Variants in SCG5 observed in about 807,000 individuals in gnomAD.
SCG5 encodes the protein secretogranin V.
A neutral mutation model predicts 25.7 loss-of-function variants in SCG5; 18 were observed. The observed-to-expected ratio is 0.70, with a 90% CI of 0.48 to 1.04. SCG5 has a LOEUF of 1.04. Ranked by LOEUF, SCG5 falls within the 50% of genes least tolerant of loss-of-function variation. The pLI is 0.00. For synonymous variants in SCG5, 101 were observed against 91.7 expected (o/e 1.10, Z -0.58); for missense variants, 206 against 259.8 (o/e 0.79, Z 1.42).
At chr15:32,687,993 A>G (rs752305645) in intron 4 of SCG5, among the ~76,000 whole-genome samples, 19 of 152,210 alleles carry the variant, frequency 1.2e-4, no homozygotes, top group Non-Finnish European at 2.4e-4. Context: ...ATCTTATTCA[A>G]TCTGCCCATC....
chr15:32,647,090 T>C (rs530186060), intron 2 of SCG5, among the ~76,000 whole-genome samples: 2 of 152,344 alleles, frequency 1.3e-5, no homozygotes, highest in East Asian at 3.9e-4. Flanking sequence ...TTATTACTAA[T>C]ATGACCTTGG....
intron 3 of SCG5, among the ~76,000 whole-genome samples, chr15:32,682,869 T>C (rs1595815675): frequency 6.6e-6 from 1 of 151,870 alleles, no homozygotes; most frequent in Non-Finnish European, 1.5e-5. Flanking sequence ...GCTCAAAGAG[T>C]CCATCTCAGC....
At chr15:32,672,503 C>T (rs1194179835) in intron 2 of SCG5, among the ~76,000 whole-genome samples, 1 of 152,220 alleles carries the variant, frequency 6.6e-6, no homozygotes, top group Admixed American at 6.5e-5. Flanking sequence ...CCACAGGTGG[C>T]GTCCCATCCC....
intron 2 of SCG5, among the ~76,000 whole-genome samples, chr15:32,649,534 G>A (rs1047543020): frequency 6.6e-5 from 10 of 152,156 alleles, no homozygotes; most frequent in African/African-American, 2.4e-4. Context: ...CCAGCAGAGG[G>A]CCAACTAGAC....
Position 32,648,259 on chromosome 15 carries a change from A to G in SCG5, c.226+4441A>G, listed in dbSNP as rs79402181. On this transcript the variant is annotated intron_variant, in intron 2 of 5. Transcript: ENST00000300175. ...TTTTTATCTCTAAAATCCATGTGCA[A>G]TTTCCTGTCTGCTTCTCTCTAGCTC... 9.2e-3 allele frequency among the ~76,000 whole-genome samples: 1,395 copies of G among 152,140 alleles called. 10 individuals carry two copies. Among genetic ancestry groups the G allele is most frequent in the Middle Eastern group, 0.024 (7 of 294 alleles).
chr15:32,676,475 T>G (rs1205206617), intron 2 of SCG5, among the ~76,000 whole-genome samples: 1 of 152,186 alleles, frequency 6.6e-6, no homozygotes, highest in African/African-American at 2.4e-5. Flanking sequence ...AGTTGAGACA[T>G]GTACTGACAC....
Position 32,691,994 on chromosome 15 carries a change from C to T in SCG5, c.543+231C>T, listed in dbSNP as rs75997342. The T allele has an allele frequency of 3.3e-4, 470 of 1,403,298 alleles. 6 individuals carry two copies. In the East Asian group the frequency reaches 0.011, roughly 32 times the overall value. The allele number at this position is 1,403,298 out of a possible 1,614,324, so 86.9% of individuals were successfully genotyped here. A position where few individuals can be genotyped will look rare whatever the true frequency, so the allele number is the denominator to read the frequency against. On this transcript the variant is annotated intron_variant, in intron 5 of 5. Coordinates refer to ENST00000300175, the MANE Select transcript of SCG5 (RefSeq NM_001144757.3). ...TTTTAGTGGAACGCGCAGTCTGTAG[C>T]AATTCTAGCAACTCCATTCCGTTCA...
chr15:32,658,245 G>T (rs2054158295), intron 2 of SCG5, among the ~76,000 whole-genome samples: 1 of 152,184 alleles, frequency 6.6e-6, no homozygotes, highest in Middle Eastern at 3.4e-3. Flanking sequence ...CTAGGTGGAT[G>T]AAAGGGACAT....
At chr15:32,686,774 C>A (rs2054720220) in intron 4 of SCG5, among the ~76,000 whole-genome samples, 1 of 152,162 alleles carries the variant, frequency 6.6e-6, no homozygotes. Flanking sequence ...CAGGAGTCAT[C>A]AGGACATGGT....
intron 2 of SCG5, among the ~76,000 whole-genome samples, chr15:32,657,213 G>GTATT (rs2054136011): frequency 1.2e-4 from 2 of 16,272 alleles, no homozygotes; most frequent in Admixed American, 9.5e-4. Context: ...ATATATATAT[G>GTATT]TATGTATTTC....
rs1595785624 is a variant in SCG5, at chr15:32,643,682, G to T, written c.90G>T (p.Arg30=). The T allele has an allele frequency of 6.2e-7, 1 of 1,613,892 alleles. No individual in the cohort carries two copies. Residue 30 remains arginine, a synonymous_variant, in exon 2 of 6, where the codon CGG becomes CGT. Transcript: ENST00000300175. ...CTCCAGCATTTGCTTACAGCCCCCG[G>T]ACCCCTGACCGGGTCTCAGAAGCAG... ...GWTPAFAYSP[R]TPDRVSEADI... is the part of the protein sequence containing the mutation.
At position 32,643,993 on chromosome 15, in the gene SCG5, A is replaced by G. The variant is rs112207261; in HGVS notation, c.226+175A>G. Among the ~76,000 whole-genome samples the G allele has an allele frequency of 7.9e-3, 1,200 of 152,300 alleles. 16 individuals are homozygous for G. Among genetic ancestry groups the G allele is most frequent in the African/African-American group, 0.027 (1,139 of 41,550 alleles). On this transcript the variant is annotated intron_variant, in intron 2 of 5. Transcript: ENST00000300175. ...CATGGTTTTCCCTTTCTTCTTCTAC[A>G]CAGTGTCTACATACTTACATATACA...
In SCG5 at chr15:32,663,032, AATATATAT is replaced by A. The variant is rs67571496; in HGVS notation, c.227-16694_227-16687del. 8.5e-3 allele frequency among the ~76,000 whole-genome samples: 676 copies of A among 79,196 alleles called. 11 individuals are homozygous for A. The highest frequency in any genetic ancestry group is 0.012 in the Admixed American group (70 of 5,862). The allele number at this position is 79,196 out of a possible 152,430, so 52.0% of individuals were successfully genotyped here. A position where few individuals can be genotyped will look rare whatever the true frequency, so the allele number is the denominator to read the frequency against. ...AAGATTAGGGCTGTTAAAAAAAAAG[AATATATAT>A]ATATATATATATATATATATATATA... On this transcript the variant is annotated intron_variant, in intron 2 of 5. Coordinates refer to ENST00000300175, the MANE Select transcript of SCG5 (RefSeq NM_001144757.3).
At chr15:32,658,967 G>T (rs1352295254) in intron 2 of SCG5, among the ~76,000 whole-genome samples, 1 of 152,148 alleles carries the variant, frequency 6.6e-6, no homozygotes, top group Non-Finnish European at 1.5e-5. Context: ...CCGAGGTCAG[G>T]AGATTGAGAC....
At chr15:32,645,809 T>C (rs2053933831) in intron 2 of SCG5, among the ~76,000 whole-genome samples, 1 of 152,196 alleles carries the variant, frequency 6.6e-6, no homozygotes, top group Non-Finnish European at 1.5e-5. Context: ...AATAATGTGC[T>C]TAACATAGCA....
chr15:32,664,092 A>C (rs2140531785), intron 2 of SCG5, among the ~76,000 whole-genome samples: 1 of 152,330 alleles, frequency 6.6e-6, no homozygotes, highest in South Asian at 2.1e-4. Context: ...ACCCAGTGAG[A>C]GTGGCCATGA....
In SCG5 at chr15:32,684,586, G is replaced by C; in HGVS notation, c.406G>C (p.Asp136His). The change falls in exon 4 of 6, where the codon GAC becomes CAC. Residue 136 changes from aspartate (D) to histidine (H), a missense_variant. Asp to His is a moderately conservative substitution (Grantham distance 81). Transcript: ENST00000300175. ...ADDGCLENTP[D>H]TAEFSREFQL... ...TGATGGATGTCTAGAAAACACCCCT[G>C]ACACTGCAGAGTTCAGTCGAGAGTT... 1.2e-6 allele frequency: 2 copies of C among 1,613,556 alleles called. No homozygotes were observed. Among genetic ancestry groups the C allele is most frequent in the Non-Finnish European group, 1.7e-6 (2 of 1,179,664 alleles).
intron 1 of SCG5, among the ~76,000 whole-genome samples, chr15:32,642,960 C>T (rs943815397): frequency 1.3e-5 from 2 of 152,200 alleles, no homozygotes; most frequent in Non-Finnish European, 2.9e-5. Context: ...AGGGACTTGC[C>T]TACGATCACT....
At chr15:32,672,248 C>T (rs971328738) in intron 2 of SCG5, among the ~76,000 whole-genome samples, 2 of 152,210 alleles carry the variant, frequency 1.3e-5, no homozygotes, top group African/African-American at 2.4e-5. Context: ...ACGAGGTGGG[C>T]GACTGGCTCC....
Sources: allele counts gnomAD v4.1 joint callset (sites outside exome capture counted in the v4.1 genomes callset), GRCh38; gene constraint gnomAD v4.1.1; transcripts MANE v1.5; gene names NCBI Gene and HGNC (gene_info 2026-07-23, HGNC 2026-07-21).